Variants in RBFOX1 observed in about 807,000 individuals in gnomAD.
RBFOX1 encodes RNA binding protein fox-1 homolog 1.
Under a neutral mutation model 57.7 loss-of-function variants are expected in RBFOX1, and 8 were observed. That is an observed-to-expected ratio of 0.14 (90% CI 0.08 to 0.25). RBFOX1 has a LOEUF of 0.25. RBFOX1 is among the 10% of genes least tolerant of loss of function. RBFOX1 has a pLI of 1.00. For missense variants in RBFOX1, 611 were observed against 548.5 expected (o/e 1.11, Z -1.14); for synonymous variants, 326 against 222.4 (o/e 1.47, Z -4.15).
At chr16:7,219,504 G>A (rs1229433862) in intron 4 of RBFOX1, among the ~76,000 whole-genome samples, 1 of 152,156 alleles carries the variant, frequency 6.6e-6, no homozygotes, top group Admixed American at 6.5e-5. Flanking sequence ...GCTACTGTTA[G>A]GTGTGTTTAA....
At chr16:5,771,183 G>C (rs528739098) in intron 3 of RBFOX1, among the ~76,000 whole-genome samples, 1 of 152,212 alleles carries the variant, frequency 6.6e-6, no homozygotes, top group African/African-American at 2.4e-5. Flanking sequence ...TAGACACAGC[G>C]GGGCTACCCC....
intron 3 of RBFOX1, among the ~76,000 whole-genome samples, chr16:6,723,592 A>C (rs1038387427): frequency 5.3e-5 from 8 of 152,154 alleles, no homozygotes. Flanking sequence ...GCAGTAGGGG[A>C]TATCTTGAGT....
intron 4 of RBFOX1, among the ~76,000 whole-genome samples, chr16:5,917,750 A>C (rs928668407): frequency 6.6e-6 from 1 of 152,128 alleles, no homozygotes; most frequent in Admixed American, 6.5e-5. Flanking sequence ...GATCCCTCAA[A>C]TGTATTTTTT....
At chr16:7,152,568 T>C (rs2076305313) in intron 4 of RBFOX1, among the ~76,000 whole-genome samples, 1 of 152,126 alleles carries the variant, frequency 6.6e-6, no homozygotes, top group African/African-American at 2.4e-5. Context: ...GGCAGTTAGG[T>C]TCACTGGATT....
chr16:5,645,809 G>A (rs1368761372), intron 3 of RBFOX1, among the ~76,000 whole-genome samples: 1 of 152,138 alleles, frequency 6.6e-6, no homozygotes, highest in African/African-American at 2.4e-5. Flanking sequence ...AGAACTACAG[G>A]CATGTGCCAC....
chr16:6,403,093 T>A (rs988171071), intron 2 of RBFOX1, among the ~76,000 whole-genome samples: 6 of 152,050 alleles, frequency 3.9e-5, no homozygotes, highest in African/African-American at 1.4e-4. Context: ...AGTGTGGAGG[T>A]CATGAAGAGG....
intron 1 of RBFOX1, among the ~76,000 whole-genome samples, chr16:6,284,279 C>T (rs868388990): frequency 2.6e-5 from 4 of 152,106 alleles, no homozygotes; most frequent in Admixed American, 6.5e-5. Flanking sequence ...TTTCCTATGC[C>T]GTCAGGACAG....
At chr16:7,534,394 C>T (rs2080980824) in intron 5 of RBFOX1, among the ~76,000 whole-genome samples, 2 of 151,910 alleles carry the variant, frequency 1.3e-5, no homozygotes, top group South Asian at 2.1e-4. Flanking sequence ...TGCACGGCCA[C>T]CACAGCAACT....
intron 4 of RBFOX1, among the ~76,000 whole-genome samples, chr16:7,408,428 G>C (rs572066659): frequency 2.4e-3 from 373 of 152,280 alleles, no homozygotes; most frequent in African/African-American, 8.7e-3. Context: ...AGATGAATGG[G>C]AGAAACAGTG....
At chr16:5,334,921 A>G (rs934839235) in intron 1 of RBFOX1, among the ~76,000 whole-genome samples, 3 of 152,040 alleles carry the variant, frequency 2.0e-5, no homozygotes, top group African/African-American at 7.2e-5. Flanking sequence ...AATGAGTAGC[A>G]TGGAAAGAAT....
chr16:7,698,611 A>C (rs527654708), intron 14 of RBFOX1, among the ~76,000 whole-genome samples: 7 of 152,216 alleles, frequency 4.6e-5, no homozygotes, highest in African/African-American at 1.7e-4. Context: ...CATTCCTCTA[A>C]CTGATCCTTC....
rs7196494 is a variant in RBFOX1, at chr16:6,637,922, G to C, written c.-63-16681G>C. ...TTTACAGGGATTTTACCCAAAAATG[G>C]TTAAAATGACAAAGTCTCTGTGCTT... On this transcript the variant is annotated intron_variant, in intron 2 of 15. Transcript: ENST00000550418. 4.3e-3 allele frequency among the ~76,000 whole-genome samples: 655 copies of C among 152,166 alleles called. 4 individuals are homozygous for C. Among genetic ancestry groups the C allele is most frequent in the African/African-American group, 0.014 (595 of 41,524 alleles).
intron 3 of RBFOX1, among the ~76,000 whole-genome samples, chr16:5,815,493 C>G (rs774664903): frequency 6.6e-6 from 1 of 152,048 alleles, no homozygotes; most frequent in Non-Finnish European, 1.5e-5. Context: ...AATGAGTATT[C>G]AGTCACTAAT....
intron 4 of RBFOX1, among the ~76,000 whole-genome samples, chr16:7,469,157 A>G (rs567300789): frequency 1.1e-3 from 173 of 152,102 alleles, no homozygotes; most frequent in African/African-American, 4.0e-3. Context: ...GATGGTCTCA[A>G]TCTCCTGACC....
chr16:6,855,845 C>CCTTCCGTCCCTCTTTCCCTCCCTG (rs202089163), intron 3 of RBFOX1, among the ~76,000 whole-genome samples: 1 of 114,674 alleles, frequency 8.7e-6, no homozygotes, highest in African/African-American at 3.0e-5. Flanking sequence ...TTCCCTCCCT[C>CCTTCCGTCCCTCTTTCCCTCCCTG]TTTCCCTCCC....
intron 3 of RBFOX1, among the ~76,000 whole-genome samples, chr16:6,807,067 C>G (rs1242129022): frequency 6.6e-6 from 1 of 151,692 alleles, no homozygotes; most frequent in East Asian, 1.9e-4. Context: ...CTCCTGACCT[C>G]AAGTAGTATG....
chr16:6,211,769 A>G (rs2097299482), intron 1 of RBFOX1, among the ~76,000 whole-genome samples: 1 of 152,094 alleles, frequency 6.6e-6, no homozygotes, highest in Non-Finnish European at 1.5e-5. Context: ...TTGTACATAA[A>G]TGTGAAACCT....
intron 1 of RBFOX1, among the ~76,000 whole-genome samples, chr16:6,131,203 G>C (rs1281266887): frequency 1.3e-5 from 2 of 152,210 alleles, no homozygotes; most frequent in African/African-American, 4.8e-5. Context: ...GAAATACTCT[G>C]TGTTTGATCG....
At chr16:5,775,037 C>G (rs909371783) in intron 3 of RBFOX1, among the ~76,000 whole-genome samples, 3 of 151,968 alleles carry the variant, frequency 2.0e-5, no homozygotes, top group African/African-American at 7.3e-5. Context: ...TTTCCCTAAA[C>G]CAAATCTCAC....
Sources: allele counts gnomAD v4.1 joint callset (sites outside exome capture counted in the v4.1 genomes callset), GRCh38; gene constraint gnomAD v4.1.1; transcripts MANE v1.5; gene names NCBI Gene and HGNC (gene_info 2026-07-23, HGNC 2026-07-21).